The following GABRA6 variants were observed in gnomAD, a reference collection of about 807,000 sequenced individuals.
GABRA6 encodes gamma-aminobutyric acid receptor subunit alpha-6.
In GABRA6, 45 loss-of-function variants were observed where a neutral mutation model predicts 47.3. The ratio of observed to expected loss-of-function variants is 0.95; its 90% CI spans 0.75 to 1.22. The LOEUF (loss-of-function observed/expected upper bound fraction) is 1.22, where lower values mean the gene tolerates loss of function less well. Ranked by LOEUF, GABRA6 falls within the 50% of genes most tolerant of loss-of-function variation. The pLI, the probability that GABRA6 is intolerant of heterozygous loss-of-function variation, is 0.00. For synonymous variants in GABRA6, 219 were observed against 194.7 expected (o/e 1.12, Z -1.04); for missense variants, 583 against 549.3 (o/e 1.06, Z -0.61).
At chr5:161,691,199 T>C (rs1258942284) in intron 7 of GABRA6, among the ~76,000 whole-genome samples, 1 of 151,804 alleles carries the variant, frequency 6.6e-6, no homozygotes, top group East Asian at 1.9e-4. Context: ...TTTATGCTAA[T>C]ATTTATACCA....
intron 8 of GABRA6, among the ~76,000 whole-genome samples, chr5:161,700,835 A>G (rs1754966203): frequency 6.6e-6 from 1 of 152,208 alleles, no homozygotes; most frequent in East Asian, 1.9e-4. Context: ...AGGAGTGTAC[A>G]ATATAGAAAT....
At chr5:161,687,507 T>TG in intron 3 of GABRA6, 1 of 456,202 alleles carries the variant, frequency 2.2e-6, no homozygotes, top group Non-Finnish European at 4.4e-6. Flanking sequence ...GTAGGTGTTC[T>TG]GGGGACTCTG....
In GABRA6 at chr5:161,692,625, C is replaced by T. The variant is rs190876576; in HGVS notation, c.1086+425C>T. On this transcript the variant is annotated intron_variant, in intron 8 of 8. Transcript: ENST00000274545. ...ACAATTTTTGTTATAAATCTGCTTG[C>T]TGCTTTATTTCAAGAGGGCAAGGCA... Among the ~76,000 whole-genome samples the T allele has an allele frequency of 9.1e-4, 138 of 152,254 alleles. 1 individual carries two copies. Among genetic ancestry groups the T allele is most frequent in the African/African-American group, 3.1e-3 (128 of 41,562 alleles).
intron 5 of GABRA6, 70 bp from the exon 6 acceptor site, chr5:161,689,566 G>A (rs746417220): frequency 7.4e-7 from 1 of 1,350,856 alleles, no homozygotes; most frequent in East Asian, 2.4e-5. Context: ...TATAGACAAT[G>A]TGCACTTTGA....
At position 161,689,862 on chromosome 5, in the gene GABRA6, C is replaced by T. The variant is rs60087947; in HGVS notation, c.673+83C>T. 3.8e-3 allele frequency: 5,358 copies of T among 1,412,360 alleles called. 150 individuals carry two copies. In the African/African-American group the frequency reaches 0.061, roughly 16 times the overall value. 87.5% of individuals were successfully genotyped at this position (1,412,360 alleles called of 1,614,324 possible). On this transcript the variant is annotated intron_variant, in intron 6 of 8. Transcript: ENST00000274545. ...TCAAAATATCTATTTCTTTTTCCTTCGCCTTAGCCATTCTCAGCTAAGCAT... is the reference window on the plus strand; with the variant it reads ...TCAAAATATCTATTTCTTTTTCCTTTGCCTTAGCCATTCTCAGCTAAGCAT...
In GABRA6 at chr5:161,686,349, G is replaced by A. The variant is rs947903028; in HGVS notation, c.157+1G>A. ...AATCGGCTGCGGCCGGGATTTGGAG[G>A]TAAGAAGCTGCATCTTTGCTACACA... On this transcript the variant is annotated splice_donor_variant, in intron 2 of 8. Coordinates refer to ENST00000274545, the MANE Select transcript of GABRA6 (RefSeq NM_000811.3). LOFTEE classifies it high-confidence loss of function. The A allele has an allele frequency of 1.5e-5, 24 of 1,605,118 alleles. No homozygotes were observed. Among genetic ancestry groups the A allele is most frequent in the Non-Finnish European group, 2.0e-5 (24 of 1,171,884 alleles).
At chr5:161,686,486 T>A (rs41275315) in intron 2 of GABRA6, 138 bp downstream of exon 2, 166,528 of 758,856 alleles carry the variant, frequency 0.22, 20,683 homozygotes, top group South Asian at 0.43. Context: ...TATGTTCCCA[T>A]CCAGTCTCTG....
intron 8 of GABRA6, 68 bp from the exon 9 acceptor site, chr5:161,701,430 T>A: frequency 6.6e-7 from 1 of 1,516,934 alleles, no homozygotes; most frequent in Non-Finnish European, 9.1e-7. Flanking sequence ...GGTGAAAGAG[T>A]GAATAAATAA....
rs551927973 is a variant in GABRA6, at chr5:161,695,477, T to C, written c.1086+3277T>C. On this transcript the variant is annotated intron_variant, in intron 8 of 8. Transcript: ENST00000274545. ...CCTTAATATTAGAGAGTTACTTATA[T>C]CTTCATGAGTTTCAGAGCCTATTAA... Among the ~76,000 whole-genome samples the C allele has an allele frequency of 4.3e-4, 66 of 152,258 alleles. 1 individual carries two copies. The South Asian group carries it at 0.013, about 31-fold the overall frequency.
At chr5:161,697,886 A>G (rs1754913341) in intron 8 of GABRA6, among the ~76,000 whole-genome samples, 1 of 152,206 alleles carries the variant, frequency 6.6e-6, no homozygotes. Flanking sequence ...TTGCTCATCT[A>G]TCAAATGAAG....
chr5:161,685,882 G>A lies in GABRA6; in HGVS notation c.-108G>A. ...ACTGACTTGAGGCAAACAAGGAACA[G>A]AGATATGAAGGGTTTGAAAGATTTC... On this transcript the variant is annotated 5_prime_UTR_variant, in exon 1 of 9. Transcript: ENST00000274545. The A allele has an allele frequency of 4.3e-6, 4 of 923,932 alleles. No homozygotes were observed. The South Asian group carries it at 5.2e-5, about 12-fold the overall frequency. 57.2% of individuals were successfully genotyped at this position (923,932 alleles called of 1,614,324 possible).
chr5:161,686,841 G>A, intron 2 of GABRA6, 95 bp from the exon 3 acceptor site: 1 of 1,037,332 alleles, frequency 9.6e-7, no homozygotes, highest in South Asian at 1.3e-5. Flanking sequence ...GCAGATACTG[G>A]CTATGATAAG....
intron 3 of GABRA6, among the ~76,000 whole-genome samples, 196 bp from the exon 4 acceptor site, chr5:161,688,753 C>A (rs1239124241): frequency 1.3e-5 from 2 of 152,158 alleles, no homozygotes; most frequent in Non-Finnish European, 2.9e-5. Context: ...TATCACAGCA[C>A]TATCTTTTAT....
chr5:161,690,345 C>A lies in GABRA6; in HGVS notation c.818C>A (p.Thr273Asn). ...WINKESVPARTVFGITTVLTM... is the reference protein window; with the variant it reads ...WINKESVPARNVFGITTVLTM... Reference sequence around the variant, plus strand: ...AATAAGGAGTCCGTCCCAGCAAGAACTGTTTTTGGTATATGTCACATTTTG... The same window carrying A: ...AATAAGGAGTCCGTCCCAGCAAGAAATGTTTTTGGTATATGTCACATTTTG... The change falls in exon 7 of 9, where the codon ACT becomes AAT. Residue 273 changes from threonine to asparagine, a missense_variant. Coordinates refer to ENST00000274545, the MANE Select transcript of GABRA6 (RefSeq NM_000811.3). 1 of 1,613,288 alleles carries A rather than the reference C, an allele frequency of 6.2e-7. No homozygotes were observed. Among genetic ancestry groups the A allele is most frequent in the Non-Finnish European group, 8.5e-7 (1 of 1,179,794 alleles).
rs1561728118 is a variant in GABRA6 at position 161,701,550 on chromosome 5, C to T, written c.1139C>T (p.Pro380Leu). The T allele has an allele frequency of 1.2e-6, 2 of 1,614,118 alleles. No homozygotes were observed. The highest frequency in any genetic ancestry group is 2.2e-5 in the South Asian group (2 of 91,082). Residue 380 changes from proline to leucine, a missense_variant, in exon 9 of 9, where the codon CCA (proline) becomes CTA (leucine). Pro to Leu is a moderately conservative substitution (Grantham distance 98, BLOSUM62 -3). Coordinates refer to ENST00000274545, the MANE Select transcript of GABRA6 (RefSeq NM_000811.3). ...LKKRITSLSLPIVSSSEANKV... is the reference protein window; with the variant it reads ...LKKRITSLSLLIVSSSEANKV... ...AAAAGGATCACTTCTCTGTCTTTGCCAATAGTTTCATCTTCCGAGGCCAAT... is the reference window on the plus strand; with the variant it reads ...AAAAGGATCACTTCTCTGTCTTTGCTAATAGTTTCATCTTCCGAGGCCAAT...
rs147723277 is a variant in GABRA6, at chr5:161,699,750, A to G, written c.1087-1748A>G. 2.0e-4 allele frequency among the ~76,000 whole-genome samples: 31 copies of G among 152,026 alleles called. No homozygotes were observed. In the East Asian group the frequency reaches 4.8e-3, roughly 24 times the overall value. ...GCTGGGATTACAAGCATCAGCCACC[A>G]TGCACAGCCCATCTATTTTTAATAG... On this transcript the variant is annotated intron_variant, in intron 8 of 8. Transcript: ENST00000274545.
At chr5:161,699,841 T>G (rs2113088107) in intron 8 of GABRA6, among the ~76,000 whole-genome samples, 1 of 152,276 alleles carries the variant, frequency 6.6e-6, no homozygotes, top group Admixed American at 6.5e-5. Context: ...AACTCTCTTC[T>G]ACCTCTAAGA....
chr5:161,689,591 A>G, intron 5 of GABRA6, 45 bp from the exon 6 acceptor site: 2 of 1,533,762 alleles, frequency 1.3e-6, no homozygotes, highest in Non-Finnish European at 1.8e-6. Flanking sequence ...AAAAAAGACA[A>G]CTCGTCAAAT....
chr5:161,689,935 C>T (rs1283644434), intron 6 of GABRA6, 156 bp downstream of exon 6: 8 of 795,180 alleles, frequency 1.0e-5, no homozygotes, highest in East Asian at 2.6e-5. Context: ...ATTTTGCAAC[C>T]AGGTGCATAT....
Sources: gnomAD v4.1 joint callset for allele counts (sites outside exome capture counted in the v4.1 genomes callset) on GRCh38, gnomAD v4.1.1 for gene constraint, MANE v1.5 for transcripts, NCBI Gene and HGNC (gene_info 2026-07-23, HGNC 2026-07-21) for gene names.